ADGRL2: variants seen among roughly 807,000 people sequenced by gnomAD.
ADGRL2 encodes calcium-independent alpha-latrotoxin receptor 2.
In ADGRL2, 44 loss-of-function variants were observed where a neutral mutation model predicts 157.4. The ratio of observed to expected loss-of-function variants is 0.28; its 90% CI spans 0.22 to 0.36. The LOEUF (loss-of-function observed/expected upper bound fraction) is 0.36, where lower values mean the gene tolerates loss of function less well. Among genes scored for constraint, ADGRL2 ranks in the 10% least tolerant of loss-of-function variants. The probability of loss-of-function intolerance (pLI) is 1.00; values close to 1 mark genes in which losing one functional copy is unlikely to be tolerated. For synonymous variants in ADGRL2, 585 were observed against 624.7 expected (o/e 0.94, Z 0.95); for missense variants, 1,510 against 1,768.9 (o/e 0.85, Z 2.63).
intron 2 of ADGRL2, among the ~76,000 whole-genome samples, chr1:81,766,202 A>G (rs2086111093): frequency 6.6e-6 from 1 of 152,076 alleles, no homozygotes; most frequent in Admixed American, 6.5e-5. Flanking sequence ...TTATTTATTT[A>G]TTTAATTTTT....
At chr1:81,975,163 T>C (rs1659826437) in intron 17 of ADGRL2, among the ~76,000 whole-genome samples, 1 of 152,064 alleles carries the variant, frequency 6.6e-6, no homozygotes, top group Non-Finnish European at 1.5e-5. Context: ...GAATTAATTA[T>C]TAGCATGGAC....
intron 2 of ADGRL2, chr1:81,503,302 G>T: frequency 6.2e-7 from 1 of 1,614,194 alleles, no homozygotes; most frequent in South Asian, 1.1e-5. Context: ...CACCACCTAC[G>T]CAGGTGTGCT....
chr1:81,864,560 G>A (rs1180903806), intron 2 of ADGRL2, among the ~76,000 whole-genome samples: 1 of 152,100 alleles, frequency 6.6e-6, no homozygotes, highest in Admixed American at 6.5e-5. Context: ...AGCCTCATTT[G>A]TATCTGTTAT....
chr1:81,916,945 C>T (rs982001550), intron 3 of ADGRL2, among the ~76,000 whole-genome samples: 17 of 151,384 alleles, frequency 1.1e-4, no homozygotes, highest in African/African-American at 4.1e-4. Flanking sequence ...ACTGTATTGA[C>T]TAATTTTATT....
chr1:81,649,767 T>G (rs532903037), intron 3 of ADGRL2, among the ~76,000 whole-genome samples: 1 of 152,224 alleles, frequency 6.6e-6, no homozygotes, highest in Admixed American at 6.5e-5. Flanking sequence ...TTGCCCAAGG[T>G]CATGATGAGG....
chr1:81,347,311 G>C (rs1330398207), intron 1 of ADGRL2, among the ~76,000 whole-genome samples: 1 of 152,064 alleles, frequency 6.6e-6, no homozygotes, highest in African/African-American at 2.4e-5. Context: ...TGAGGCAGGA[G>C]AATCGCTTGA....
chr1:81,359,160 A>G (rs1044029054), intron 1 of ADGRL2, among the ~76,000 whole-genome samples: 5 of 152,138 alleles, frequency 3.3e-5, no homozygotes, highest in Admixed American at 3.3e-4. Context: ...TGGAGGCCAG[A>G]TCATACTTGA....
At chr1:81,442,782 A>G (rs1203780992) in intron 1 of ADGRL2, among the ~76,000 whole-genome samples, 1 of 152,200 alleles carries the variant, frequency 6.6e-6, no homozygotes, top group Non-Finnish European at 1.5e-5. Flanking sequence ...GGAAGGTCCC[A>G]TTGTAGAAGA....
intron 6 of ADGRL2, among the ~76,000 whole-genome samples, chr1:81,946,681 C>A (rs1462951043): frequency 6.6e-6 from 1 of 151,876 alleles, no homozygotes; most frequent in Non-Finnish European, 1.5e-5. Context: ...ATAAAGAGAG[C>A]CATTTTGTTT....
chr1:81,536,881 C>G (rs1251288552), intron 2 of ADGRL2, among the ~76,000 whole-genome samples: 2 of 152,170 alleles, frequency 1.3e-5, no homozygotes, highest in Non-Finnish European at 2.9e-5. Flanking sequence ...GGGCACTGAG[C>G]TAGGCACTGC....
At chr1:81,628,039 C>G (rs991495884) in intron 3 of ADGRL2, among the ~76,000 whole-genome samples, 36 of 152,128 alleles carry the variant, frequency 2.4e-4, no homozygotes, top group African/African-American at 8.4e-4. Flanking sequence ...TGGAGCTGCT[C>G]TTTCAATGTC....
At chr1:81,844,616 G>A (rs1373959836) in intron 2 of ADGRL2, among the ~76,000 whole-genome samples, 1 of 152,278 alleles carries the variant, frequency 6.6e-6, no homozygotes, top group South Asian at 2.1e-4. Context: ...TGACAGCCAT[G>A]CAAGCTACAC....
chr1:81,635,682 C>T (rs1255911470), intron 3 of ADGRL2, among the ~76,000 whole-genome samples: 3 of 152,150 alleles, frequency 2.0e-5, no homozygotes, highest in Non-Finnish European at 4.4e-5. Flanking sequence ...TTAATGAGGG[C>T]TCTTGTGACC....
At chr1:81,861,597 T>C (rs1451620758) in intron 2 of ADGRL2, among the ~76,000 whole-genome samples, 1 of 152,204 alleles carries the variant, frequency 6.6e-6, no homozygotes, top group Non-Finnish European at 1.5e-5. Context: ...TCTTTATCAA[T>C]AAACACATGG....
intron 2 of ADGRL2, among the ~76,000 whole-genome samples, chr1:81,474,989 G>T (rs2078242824): frequency 6.6e-6 from 1 of 152,144 alleles, no homozygotes; most frequent in South Asian, 2.1e-4. Context: ...TTGATAGGTG[G>T]TATGTGACAA....
chr1:81,866,450 G>A (rs1055981445), intron 2 of ADGRL2, among the ~76,000 whole-genome samples: 1 of 151,856 alleles, frequency 6.6e-6, no homozygotes, highest in Non-Finnish European at 1.5e-5. Context: ...AATAGTACTT[G>A]GCATATATTA....
In ADGRL2 at chr1:81,628,649, T is replaced by A. The variant is rs541651564; in HGVS notation, c.-143+47669T>A. 1.2e-4 allele frequency among the ~76,000 whole-genome samples: 18 copies of A among 152,302 alleles called. No homozygotes were observed. The South Asian group carries it at 3.3e-3, about 28-fold the overall frequency. On this transcript the variant is annotated intron_variant, in intron 3 of 24. Coordinates refer to the ADGRL2 transcript ENST00000370721. ...ATTAGTTTTTAAGTGAAAGTGATGC[T>A]GAAGAGAATGCTTTCTTTACACCAT...
intron 2 of ADGRL2, among the ~76,000 whole-genome samples, chr1:81,869,304 T>G (rs1052422472): frequency 3.3e-5 from 5 of 152,208 alleles, no homozygotes; most frequent in African/African-American, 1.2e-4. Flanking sequence ...ATATAAAAAT[T>G]TAGACCTATT....
chr1:81,982,453 A>G (rs1661942584), intron 19 of ADGRL2, among the ~76,000 whole-genome samples: 2 of 152,028 alleles, frequency 1.3e-5, no homozygotes, highest in East Asian at 3.9e-4. Context: ...CATCTTACTT[A>G]CTGTTTTTTC....
Sources: gnomAD v4.1 joint callset for allele counts (sites outside exome capture counted in the v4.1 genomes callset) on GRCh38, gnomAD v4.1.1 for gene constraint, MANE v1.5 for transcripts, NCBI Gene and HGNC (gene_info 2026-07-23, HGNC 2026-07-21) for gene names.